Variants in CLSTN2 observed in about 807,000 individuals in gnomAD.
CLSTN2 encodes calsyntenin-2.
Under a neutral mutation model 101.2 loss-of-function variants are expected in CLSTN2, and 48 were observed. The observed-to-expected ratio is 0.47, with a 90% CI of 0.38 to 0.60. The LOEUF (loss-of-function observed/expected upper bound fraction) is 0.60, where lower values mean the gene tolerates loss of function less well. CLSTN2 is among the 20% of genes least tolerant of loss of function. CLSTN2 has a pLI of 0.00. For synonymous variants in CLSTN2, 481 were observed against 463.6 expected (o/e 1.04, Z -0.48); for missense variants, 1,160 against 1,238.2 (o/e 0.94, Z 0.95).
intron 2 of CLSTN2, among the ~76,000 whole-genome samples, chr3:140,241,900 CACACATAT>C (rs2086472102): frequency 1.3e-5 from 2 of 149,756 alleles, no homozygotes; most frequent in Non-Finnish European, 3.0e-5. Flanking sequence ...CACACACACA[CACACATAT>C]ATATATATAT....
intron 1 of CLSTN2, among the ~76,000 whole-genome samples, chr3:140,148,755 T>C (rs1026600296): frequency 2.0e-5 from 3 of 152,198 alleles, no homozygotes; most frequent in Admixed American, 2.0e-4. Flanking sequence ...TTATTGTCGA[T>C]ATGCCATTAG....
At chr3:140,146,843 G>C (rs2009787878) in intron 1 of CLSTN2, among the ~76,000 whole-genome samples, 1 of 152,144 alleles carries the variant, frequency 6.6e-6, no homozygotes, top group South Asian at 2.1e-4. Context: ...CCAGCAACAG[G>C]GTTGCCTGGG....
chr3:140,179,650 A>AC (rs2010378820), intron 2 of CLSTN2, among the ~76,000 whole-genome samples: 1 of 143,030 alleles, frequency 7.0e-6, no homozygotes, highest in Non-Finnish European at 1.5e-5. Context: ...AAAAAAAAAA[A>AC]AACCTTGCTA....
rs975205539 is a variant in CLSTN2, at chr3:140,090,567, T to C, written c.110-85384T>C. On this transcript the variant is annotated intron_variant, in intron 1 of 16. Transcript: ENST00000458420. ...ATGCTGTCTAGTGTATGTCGGGTGA[T>C]GTGGGTGGAAGCAAGATGAAGCATG... 5.9e-5 allele frequency among the ~76,000 whole-genome samples: 9 copies of C among 152,166 alleles called. No homozygotes were observed. The South Asian group carries it at 1.5e-3, about 25-fold the overall frequency.
At chr3:140,406,193 C>T (rs1394884280) in intron 4 of CLSTN2, among the ~76,000 whole-genome samples, 2 of 152,014 alleles carry the variant, frequency 1.3e-5, no homozygotes, top group African/African-American at 4.8e-5. Flanking sequence ...AGAAACCCAA[C>T]ACTTCATGAT....
intron 2 of CLSTN2, among the ~76,000 whole-genome samples, chr3:140,185,630 G>A (rs1182593858): frequency 6.6e-6 from 1 of 152,024 alleles, no homozygotes; most frequent in Non-Finnish European, 1.5e-5. Flanking sequence ...ATCAAATAGT[G>A]CAATTGGCTT....
At chr3:140,497,233 G>A (rs1394670081) in intron 8 of CLSTN2, among the ~76,000 whole-genome samples, 1 of 151,960 alleles carries the variant, frequency 6.6e-6, no homozygotes, top group African/African-American at 2.4e-5. Context: ...TGAGTTGACT[G>A]AACTGCAGAG....
At chr3:140,364,278 C>A (rs1010911213) in intron 2 of CLSTN2, among the ~76,000 whole-genome samples, 1 of 152,080 alleles carries the variant, frequency 6.6e-6, no homozygotes, top group Non-Finnish European at 1.5e-5. Flanking sequence ...ATGGTGCTGG[C>A]CCTTCTCCTT....
chr3:140,335,151 A>G (rs1177073093), intron 2 of CLSTN2, among the ~76,000 whole-genome samples: 3 of 152,204 alleles, frequency 2.0e-5, no homozygotes, highest in Non-Finnish European at 4.4e-5. Context: ...AGGCTGCTGC[A>G]TCTCCAGCTC....
At position 140,117,191 on chromosome 3, in the gene CLSTN2, G is replaced by A. The variant is rs545530853; in HGVS notation, c.110-58760G>A. ...GTTAGCATTCCTCTGCCTTCTCCAC[G>A]ATGAAGAATGACCTCTACCCTGCCC... On this transcript the variant is annotated intron_variant, in intron 1 of 16. Coordinates refer to ENST00000458420, the MANE Select transcript of CLSTN2 (RefSeq NM_022131.3). Among the ~76,000 whole-genome samples the A allele has an allele frequency of 9.2e-5, 14 of 152,204 alleles. No individual in the cohort carries two copies. The South Asian group carries it at 2.1e-3, about 23-fold the overall frequency.
intron 2 of CLSTN2, among the ~76,000 whole-genome samples, chr3:140,327,422 C>G (rs1428733347): frequency 6.6e-6 from 1 of 152,164 alleles, no homozygotes; most frequent in Non-Finnish European, 1.5e-5. Context: ...GAGAAGGACC[C>G]CAAAGGTGGC....
intron 2 of CLSTN2, among the ~76,000 whole-genome samples, chr3:140,198,388 C>A (rs190436483): frequency 6.6e-6 from 1 of 152,182 alleles, no homozygotes; most frequent in Non-Finnish European, 1.5e-5. Flanking sequence ...CTGGGCACAG[C>A]GTGACTGGGC....
chr3:139,942,302 C>T (rs1207322294), intron 1 of CLSTN2, among the ~76,000 whole-genome samples: 1 of 152,144 alleles, frequency 6.6e-6, no homozygotes, highest in Non-Finnish European at 1.5e-5. Context: ...GCCCTCCTCA[C>T]CTCCTGTCAT....
chr3:140,115,930 T>C (rs1164812576), intron 1 of CLSTN2, among the ~76,000 whole-genome samples: 3 of 152,192 alleles, frequency 2.0e-5, no homozygotes, highest in Non-Finnish European at 4.4e-5. Flanking sequence ...ATCGGATCGG[T>C]TGATGAGAAT....
rs138807092 is a variant in CLSTN2 at position 139,973,801 on chromosome 3, G to A, written c.109+38318G>A. On this transcript the variant is annotated intron_variant, in intron 1 of 16. Coordinates refer to ENST00000458420, the MANE Select transcript of CLSTN2 (RefSeq NM_022131.3). ...CTACAGATGTGTGCCACCATGCCCAGCTAAATTTTTAATATATTTGTAGAG... is the reference window on the plus strand; with the variant it reads ...CTACAGATGTGTGCCACCATGCCCAACTAAATTTTTAATATATTTGTAGAG... Among the ~76,000 whole-genome samples the A allele has an allele frequency of 1.4e-4, 21 of 152,180 alleles. No individual in the cohort carries two copies. The East Asian group carries it at 3.3e-3, about 24-fold the overall frequency.
At chr3:140,524,896 A>T (rs1387736637) in intron 8 of CLSTN2, among the ~76,000 whole-genome samples, 1 of 152,216 alleles carries the variant, frequency 6.6e-6, no homozygotes, top group African/African-American at 2.4e-5. Context: ...CCTTGAAATT[A>T]TTGAAAATAG....
chr3:140,398,740 TA>T (rs2088209959), intron 2 of CLSTN2, among the ~76,000 whole-genome samples: 1 of 152,220 alleles, frequency 6.6e-6, no homozygotes, highest in African/African-American at 2.4e-5. Context: ...TTTCCTCATC[TA>T]AAAAATTGAA....
At chr3:140,067,587 A>C (rs1395652684) in intron 1 of CLSTN2, among the ~76,000 whole-genome samples, 2 of 152,188 alleles carry the variant, frequency 1.3e-5, no homozygotes, top group African/African-American at 4.8e-5. Flanking sequence ...AAAGGTTAAA[A>C]AATTTCCCAG....
chr3:140,198,793 G>A (rs1352120481), intron 2 of CLSTN2, among the ~76,000 whole-genome samples: 3 of 152,184 alleles, frequency 2.0e-5, no homozygotes, highest in Admixed American at 2.0e-4. Flanking sequence ...TTCTTAGTCT[G>A]CAGGCTCTAA....
Sources: allele counts gnomAD v4.1 joint callset (sites outside exome capture counted in the v4.1 genomes callset), GRCh38; gene constraint gnomAD v4.1.1; transcripts MANE v1.5; gene names NCBI Gene and HGNC (gene_info 2026-07-23, HGNC 2026-07-21).